Variants in MAD1L1 observed in about 807,000 individuals in gnomAD.
MAD1L1 encodes mitotic arrest deficient 1 like 1, also known as mitotic spindle assembly checkpoint protein MAD1.
MAD1L1 carries 95 observed loss-of-function variants against 96.9 expected under a neutral mutation model. That is an observed-to-expected ratio of 0.98 (90% CI 0.83 to 1.16). The LOEUF (loss-of-function observed/expected upper bound fraction) is 1.16, where lower values mean the gene tolerates loss of function less well. Ranked by LOEUF, MAD1L1 falls within the 50% of genes most tolerant of loss-of-function variation. The pLI, the probability that MAD1L1 is intolerant of heterozygous loss-of-function variation, is 0.00. For missense variants in MAD1L1, 1,007 were observed against 954.4 expected, an observed-to-expected ratio of 1.06 and a Z score of -0.73; for synonymous variants, 473 against 396.6, an observed-to-expected ratio of 1.19 and a Z score of -2.29.
At chr7:1,917,475 G>A (rs1416986253) in intron 17 of MAD1L1, among the ~76,000 whole-genome samples, 4 of 152,204 alleles carry the variant, frequency 2.6e-5, no homozygotes, top group African/African-American at 4.8e-5. Flanking sequence ...GCCCCTCTCC[G>A]CCCTCAGCAC....
chr7:2,013,844 T>TA (rs1782411535), intron 13 of MAD1L1, among the ~76,000 whole-genome samples: 1 of 152,202 alleles, frequency 6.6e-6, no homozygotes, highest in Non-Finnish European at 1.5e-5. Context: ...GGCCCTGCGA[T>TA]ACCCAGCTCC....
intron 10 of MAD1L1, among the ~76,000 whole-genome samples, chr7:2,172,169 G>A (rs956746663): frequency 9.2e-5 from 14 of 152,208 alleles, no homozygotes; most frequent in Admixed American, 2.0e-4. Context: ...AGTGCTTGGA[G>A]CAGCACCTGG....
intron 11 of MAD1L1, among the ~76,000 whole-genome samples, chr7:2,100,552 C>A (rs1786727334): frequency 2.0e-5 from 3 of 152,260 alleles, no homozygotes; most frequent in South Asian, 2.1e-4. Context: ...GCGGGCCCTG[C>A]ACCATCTGCA....
chr7:2,086,927 G>C (rs926762809), intron 11 of MAD1L1, among the ~76,000 whole-genome samples: 1 of 152,218 alleles, frequency 6.6e-6, no homozygotes, highest in African/African-American at 2.4e-5. Flanking sequence ...GGGAGATGTG[G>C]CCAGGAATCC....
intron 18 of MAD1L1, among the ~76,000 whole-genome samples, chr7:1,837,637 A>T (rs568591504): frequency 4.6e-5 from 7 of 152,264 alleles, no homozygotes; most frequent in Non-Finnish European, 1.0e-4. Flanking sequence ...CAACACGGAT[A>T]AATCTCAAAC....
chr7:2,203,258 T>C (rs868197018), intron 10 of MAD1L1, among the ~76,000 whole-genome samples: 1 of 152,244 alleles, frequency 6.6e-6, no homozygotes, highest in Non-Finnish European at 1.5e-5. Flanking sequence ...TCCTATTTCA[T>C]AGGGTCCCCC....
At chr7:1,896,397 C>T (rs1014272358) in intron 18 of MAD1L1, among the ~76,000 whole-genome samples, 4 of 152,126 alleles carry the variant, frequency 2.6e-5, no homozygotes, top group African/African-American at 4.8e-5. Flanking sequence ...GAGGGTATGA[C>T]GGGGATGGAC....
intron 10 of MAD1L1, among the ~76,000 whole-genome samples, chr7:2,171,251 G>A (rs1331515565): frequency 6.6e-6 from 1 of 152,204 alleles, no homozygotes; most frequent in Admixed American, 6.5e-5. Flanking sequence ...TGAAAACATG[G>A]GTGCAGTTCC....
chr7:2,167,993 A>C (rs1790519506), intron 10 of MAD1L1, among the ~76,000 whole-genome samples: 1 of 151,916 alleles, frequency 6.6e-6, no homozygotes, highest in Admixed American at 6.6e-5. Context: ...AGAGTAAAGA[A>C]CAGTAAATTG....
At chr7:2,092,596 G>A (rs1459975811) in intron 11 of MAD1L1, among the ~76,000 whole-genome samples, 1 of 152,058 alleles carries the variant, frequency 6.6e-6, no homozygotes, top group Non-Finnish European at 1.5e-5. Context: ...CTGGATATCA[G>A]TGACTGTCTT....
At chr7:1,941,352 C>G (rs946604810) in intron 16 of MAD1L1, among the ~76,000 whole-genome samples, 3 of 152,324 alleles carry the variant, frequency 2.0e-5, no homozygotes, top group Admixed American at 6.5e-5. Flanking sequence ...GGTTTCCCCC[C>G]TGATGGGGGG....
intron 18 of MAD1L1, chr7:1,845,184 G>A (rs1419249131): frequency 1.3e-5 from 2 of 152,316 alleles, no homozygotes; most frequent in Non-Finnish European, 2.9e-5. Flanking sequence ...CAGCCTGCTG[G>A]GCTCAGGGTG....
intron 18 of MAD1L1, chr7:1,849,972 G>A (rs1038004900): frequency 1.3e-5 from 2 of 152,214 alleles, no homozygotes; most frequent in Admixed American, 1.3e-4. Context: ...CTGGAAGGGC[G>A]GCCACCTTCC....
chr7:2,077,258 C>T (rs574980126), intron 11 of MAD1L1, among the ~76,000 whole-genome samples: 18 of 152,320 alleles, frequency 1.2e-4, no homozygotes, highest in African/African-American at 3.1e-4. Flanking sequence ...AAATTGTATT[C>T]GAACCTTGGC....
intron 15 of MAD1L1, among the ~76,000 whole-genome samples, chr7:1,972,498 C>T (rs577931466): frequency 1.3e-5 from 2 of 152,242 alleles, no homozygotes; most frequent in African/African-American, 4.8e-5. Flanking sequence ...TGCTTAATGG[C>T]TACAGGGCCT....
intron 11 of MAD1L1, among the ~76,000 whole-genome samples, chr7:2,089,628 G>A (rs759898295): frequency 1.3e-5 from 2 of 151,666 alleles, no homozygotes; most frequent in Non-Finnish European, 1.5e-5. Context: ...CACGTGCATC[G>A]TGTTTAATCA....
At chr7:2,109,684 C>T (rs974137809) in intron 11 of MAD1L1, 3 of 152,202 alleles carry the variant, frequency 2.0e-5, no homozygotes, top group African/African-American at 7.2e-5. Context: ...TTAAACACTT[C>T]TGTGTTTTTA....
At chr7:1,922,826 C>T (rs981736433) in intron 17 of MAD1L1, among the ~76,000 whole-genome samples, 3 of 152,228 alleles carry the variant, frequency 2.0e-5, no homozygotes, top group African/African-American at 4.8e-5. Context: ...TCCCCATGAA[C>T]GTGTGTTGGG....
At chr7:2,013,982 C>A (rs1176729685) in intron 13 of MAD1L1, among the ~76,000 whole-genome samples, 2 of 152,196 alleles carry the variant, frequency 1.3e-5, no homozygotes, top group Admixed American at 6.5e-5. Context: ...AACCCTGGAG[C>A]CAGGAGAGGG....
Sources: allele counts gnomAD v4.1 joint callset (sites outside exome capture counted in the v4.1 genomes callset), GRCh38; gene constraint gnomAD v4.1.1; transcripts MANE v1.5; gene names NCBI Gene and HGNC (gene_info 2026-07-23, HGNC 2026-07-21).